The following TMEM132C variants were observed in gnomAD, a reference collection of about 807,000 sequenced individuals.
The protein encoded by TMEM132C is protein phosphatase 1, regulatory subunit 152.
In TMEM132C, 29 loss-of-function variants were observed where a neutral mutation model predicts 61.4. The observed-to-expected ratio is 0.47, with a 90% CI of 0.35 to 0.64. The LOEUF (loss-of-function observed/expected upper bound fraction) is 0.64, where lower values mean the gene tolerates loss of function less well. Among genes scored for constraint, TMEM132C ranks in the 30% least tolerant of loss-of-function variants. The pLI, the probability that TMEM132C is intolerant of heterozygous loss-of-function variation, is 0.00. For missense variants in TMEM132C, 1,408 were observed against 1,476.9 expected, an observed-to-expected ratio of 0.95 and a Z score of 0.76; for synonymous variants, 656 against 633.1, an observed-to-expected ratio of 1.04 and a Z score of -0.54.
At chr12:128,380,130 T>G (rs1007406125) in intron 1 of TMEM132C, among the ~76,000 whole-genome samples, 25 of 152,250 alleles carry the variant, frequency 1.6e-4, no homozygotes, top group African/African-American at 6.0e-4. Flanking sequence ...GATCACCGTA[T>G]TAAAACAACA....
At chr12:128,594,212 C>T (rs1875862987) in intron 3 of TMEM132C, among the ~76,000 whole-genome samples, 1 of 152,064 alleles carries the variant, frequency 6.6e-6, no homozygotes, top group Admixed American at 6.5e-5. Flanking sequence ...GGCAGTGTCC[C>T]CACCCCAGGG....
At position 128,319,613 on chromosome 12, in the gene TMEM132C, G is replaced by A. The variant is rs553659187; in HGVS notation, c.85+52126G>A. On this transcript the variant is annotated intron_variant, in intron 1 of 8. Coordinates refer to ENST00000435159, the MANE Select transcript of TMEM132C (RefSeq NM_001136103.3). The stretch of plus-strand genomic sequence containing the variant: ...GAGGCCGAGATGGGCGGATCACAGG[G>A]TTAGGAGTTCGAGACCAGCCTGGCC... Among the ~76,000 whole-genome samples the A allele has an allele frequency of 1.4e-3, 215 of 152,184 alleles. 1 individual carries two copies. In the Middle Eastern group the frequency reaches 0.041, roughly 29 times the overall value.
At chr12:128,505,456 G>A (rs190782996) in intron 2 of TMEM132C, among the ~76,000 whole-genome samples, 10 of 152,322 alleles carry the variant, frequency 6.6e-5, no homozygotes, top group Admixed American at 4.6e-4. Flanking sequence ...AATCAAAGGA[G>A]TCTGTGGGGG....
At chr12:128,478,537 A>G (rs900275457) in intron 2 of TMEM132C, among the ~76,000 whole-genome samples, 1 of 152,198 alleles carries the variant, frequency 6.6e-6, no homozygotes, top group African/African-American at 2.4e-5. Context: ...CCCAATGAGT[A>G]GAGTGGAGAG....
intron 3 of TMEM132C, 94 bp downstream of exon 3, chr12:128,544,197 G>C (rs11610492): frequency 0.5 from 700,165 of 1,409,150 alleles, 178,971 homozygotes; most frequent in Non-Finnish European, 0.53. Context: ...TCGCGTGAGC[G>C]GCTGCTCAGA....
At chr12:128,549,240 T>A (rs1874068908) in intron 3 of TMEM132C, among the ~76,000 whole-genome samples, 1 of 152,086 alleles carries the variant, frequency 6.6e-6, no homozygotes, top group South Asian at 2.1e-4. Flanking sequence ...TCACAGCAGC[T>A]CATTATCCTC....
chr12:128,550,162 A>C (rs1298710805), intron 3 of TMEM132C, among the ~76,000 whole-genome samples: 1 of 152,150 alleles, frequency 6.6e-6, no homozygotes, highest in African/African-American at 2.4e-5. Flanking sequence ...TGAATTCTGG[A>C]AAGTCCGAGG....
chr12:128,584,791 G>T (rs1485689561), intron 3 of TMEM132C, among the ~76,000 whole-genome samples: 1 of 152,202 alleles, frequency 6.6e-6, no homozygotes, highest in Non-Finnish European at 1.5e-5. Flanking sequence ...GCTCCACTGG[G>T]CGAGGGCCGG....
chr12:128,275,949 G>T (rs995013791), intron 1 of TMEM132C, among the ~76,000 whole-genome samples: 2 of 152,098 alleles, frequency 1.3e-5, no homozygotes, highest in Non-Finnish European at 2.9e-5. Context: ...GGTGCTCTTG[G>T]CTTGTGGCAG....
At position 128,533,672 on chromosome 12, in the gene TMEM132C, A is replaced by C. The variant is rs370771300; in HGVS notation, c.975-10285A>C. 1.5e-4 allele frequency among the ~76,000 whole-genome samples: 23 copies of C among 152,282 alleles called. No homozygotes were observed. The South Asian group carries it at 3.7e-3, about 25-fold the overall frequency. ...ATTGGAGCCCAGACTAATGACCTCCATTTTAATGTGATTACCTCTGTAAAG... is the reference window on the plus strand; with the variant it reads ...ATTGGAGCCCAGACTAATGACCTCCCTTTTAATGTGATTACCTCTGTAAAG... On this transcript the variant is annotated intron_variant, in intron 2 of 8. Transcript: ENST00000435159.
At chr12:128,639,144 GTGA>G (rs1350376058) in intron 4 of TMEM132C, among the ~76,000 whole-genome samples, 14 of 132,330 alleles carry the variant, frequency 1.1e-4, no homozygotes, top group East Asian at 2.4e-4. Flanking sequence ...AATGACAATG[GTGA>G]TGATGATGGT....
At chr12:128,304,477 C>T (rs968579652) in intron 1 of TMEM132C, among the ~76,000 whole-genome samples, 5 of 152,042 alleles carry the variant, frequency 3.3e-5, no homozygotes, top group Non-Finnish European at 7.4e-5. Context: ...GGCATGGTGG[C>T]GGGCACCTGT....
At chr12:128,452,075 T>TA (rs1870192433) in intron 2 of TMEM132C, among the ~76,000 whole-genome samples, 3 of 152,010 alleles carry the variant, frequency 2.0e-5, no homozygotes, top group South Asian at 4.2e-4. Context: ...TTTTAAAAAA[T>TA]AAAAAAATGC....
At chr12:128,696,143 T>C in intron 7 of TMEM132C, 40 bp downstream of exon 7, 1 of 1,535,008 alleles carries the variant, frequency 6.5e-7, no homozygotes, top group South Asian at 1.2e-5. Flanking sequence ...GCACTGGGCA[T>C]GTGTGCAGTG....
intron 1 of TMEM132C, among the ~76,000 whole-genome samples, chr12:128,392,204 G>C (rs1193372241): frequency 6.6e-6 from 1 of 152,116 alleles, no homozygotes; most frequent in Non-Finnish European, 1.5e-5. Context: ...AGCAGCTCCT[G>C]GGGGGAGGTG....
intron 4 of TMEM132C, among the ~76,000 whole-genome samples, chr12:128,646,994 T>C (rs1954206926): frequency 6.6e-6 from 1 of 151,776 alleles, no homozygotes; most frequent in South Asian, 2.1e-4. Flanking sequence ...CCATCAGCAT[T>C]GGATGTGAGT....
intron 1 of TMEM132C, among the ~76,000 whole-genome samples, chr12:128,317,628 T>C (rs1200229584): frequency 6.6e-6 from 1 of 152,232 alleles, no homozygotes; most frequent in Non-Finnish European, 1.5e-5. Context: ...CTCATGCCTG[T>C]AATCCCAGCA....
At chr12:128,292,003 G>A (rs924487693) in intron 1 of TMEM132C, among the ~76,000 whole-genome samples, 1 of 152,076 alleles carries the variant, frequency 6.6e-6, no homozygotes, top group Admixed American at 6.5e-5. Context: ...AACCCCCTGG[G>A]ACCCATTGTT....
intron 3 of TMEM132C, among the ~76,000 whole-genome samples, chr12:128,579,729 G>A (rs1875258502): frequency 6.6e-6 from 1 of 152,196 alleles, no homozygotes; most frequent in African/African-American, 2.4e-5. Context: ...GTGCTGGGCA[G>A]GAGAGAGGGA....
Sources: allele counts gnomAD v4.1 joint callset (sites outside exome capture counted in the v4.1 genomes callset), GRCh38; gene constraint gnomAD v4.1.1; transcripts MANE v1.5; gene names NCBI Gene and HGNC (gene_info 2026-07-23, HGNC 2026-07-21).